The following ANO2 variants were observed in gnomAD, a reference collection of about 807,000 sequenced individuals.
The protein encoded by ANO2 is anoctamin 2.
ANO2 carries 101 observed loss-of-function variants against 124.2 expected under a neutral mutation model. The ratio of observed to expected loss-of-function variants is 0.81; its 90% CI spans 0.69 to 0.96. The LOEUF (loss-of-function observed/expected upper bound fraction) is 0.96, where lower values mean the gene tolerates loss of function less well. Among genes scored for constraint, ANO2 ranks in the 40% least tolerant of loss-of-function variants. The pLI is 0.00. For missense variants in ANO2, 1,293 were observed against 1,274.5 expected (o/e 1.01, Z -0.22); for synonymous variants, 486 against 482.5 (o/e 1.01, Z -0.09).
intron 23 of ANO2, among the ~76,000 whole-genome samples, chr12:5,572,697 C>T (rs1038438790): frequency 3.3e-5 from 5 of 152,246 alleles, no homozygotes; most frequent in East Asian, 1.9e-4. Flanking sequence ...CTCACTGGTA[C>T]TGAGAGAGGA....
At chr12:5,729,429 T>G (rs938533319) in intron 14 of ANO2, among the ~76,000 whole-genome samples, 6 of 152,166 alleles carry the variant, frequency 3.9e-5, no homozygotes, top group Non-Finnish European at 7.4e-5. Flanking sequence ...TCATTAATCA[T>G]TAGGGAAATG....
chr12:5,944,809 GTTGTTTACTTA>G (rs1565802107), intron 1 of ANO2, among the ~76,000 whole-genome samples: 1 of 152,010 alleles, frequency 6.6e-6, no homozygotes, highest in Non-Finnish European at 1.5e-5. Context: ...AGTCCGGCTG[GTTGTTTACTTA>G]TTGTTTACTT....
rs1942043194 is a variant in ANO2 at position 5,925,527 on chromosome 12, G to A, written c.23-2723C>T. ...ACACAAGGGAGCCACCTTCAGACGT[G>A]AGAGGAAGGCCAAGGGGAACGCGAG... is the stretch of plus-strand genomic sequence containing the variant. On this transcript the variant is annotated intron_variant, in intron 1 of 24. Coordinates refer to ENST00000682330, the MANE Select transcript of ANO2 (RefSeq NM_001364791.2). This position sits in a 1 kb window ranked among gnomAD's most constrained non-coding sequence, Gnocchi z 4.6. 6.6e-6 allele frequency among the ~76,000 whole-genome samples: 1 copy of A among 152,220 alleles called. No individual in the cohort carries two copies. Among genetic ancestry groups the A allele is most frequent in the Non-Finnish European group, 1.5e-5 (1 of 68,038 alleles).
intron 3 of ANO2, among the ~76,000 whole-genome samples, chr12:5,877,561 T>G (rs942465370): frequency 6.6e-6 from 1 of 152,176 alleles, no homozygotes; most frequent in Non-Finnish European, 1.5e-5. Flanking sequence ...AGCCAACCAT[T>G]ACCAATTATG....
chr12:5,733,531 A>T (rs987126325), intron 13 of ANO2, among the ~76,000 whole-genome samples: 4 of 152,228 alleles, frequency 2.6e-5, no homozygotes, highest in Non-Finnish European at 5.9e-5. Context: ...GGATTCAGGT[A>T]CTGGCTCACA....
At chr12:5,609,885 G>A (rs1591726362) in intron 19 of ANO2, among the ~76,000 whole-genome samples, 1 of 141,720 alleles carries the variant, frequency 7.1e-6, no homozygotes. Flanking sequence ...ATATATATAT[G>A]TTTTATACAT....
chr12:5,837,901 T>C (rs1486079655), intron 4 of ANO2, among the ~76,000 whole-genome samples: 3 of 151,482 alleles, frequency 2.0e-5, no homozygotes, highest in Non-Finnish European at 2.9e-5. Context: ...AAAAAACCCT[T>C]CAAAAAATTA....
At chr12:5,869,753 T>C (rs979338049) in intron 3 of ANO2, among the ~76,000 whole-genome samples, 5 of 152,182 alleles carry the variant, frequency 3.3e-5, no homozygotes, top group Non-Finnish European at 7.4e-5. Context: ...TGTCCTCACA[T>C]AGCCATGGTG....
intron 15 of ANO2, among the ~76,000 whole-genome samples, chr12:5,647,277 C>T (rs1946687630): frequency 6.6e-6 from 1 of 152,206 alleles, no homozygotes; most frequent in Non-Finnish European, 1.5e-5. Flanking sequence ...CTGGGTCTTG[C>T]AGAAGGGCTG....
rs1942369902 is a variant in ANO2 at position 5,575,869 on chromosome 12, T to C, written c.2586A>G (p.Glu862=). The C allele has an allele frequency of 6.2e-7, 1 of 1,613,958 alleles. No individual in the cohort carries two copies. Among genetic ancestry groups the C allele is most frequent in the East Asian group, 2.2e-5 (1 of 44,862 alleles). The change falls in exon 23 of 25, where the codon GAA becomes GAG. Residue 862 remains glutamate (E), a synonymous_variant. Transcript: ENST00000682330. ...GAACCTCCTGGTCAAACTGTGAGTT[T>C]TCTGGCTGCGTCCCCTCCTTCAGCT... ...VSQLKEGTQP[E]NSQFDQEVQF... is the part of the protein sequence containing the mutation.
chr12:5,847,601 A>G (rs1954723735), intron 4 of ANO2, among the ~76,000 whole-genome samples: 1 of 152,184 alleles, frequency 6.6e-6, no homozygotes, highest in Non-Finnish European at 1.5e-5. Context: ...ACCATGAACC[A>G]GGAAGAAGTC....
At position 5,922,707 on chromosome 12, in the gene ANO2, C is replaced by T. The variant is rs758509410; in HGVS notation, c.120G>A (p.Met40Ile). ...GPKHGQQCLK[M>I]PGPRAPGLQG... The stretch of plus-strand genomic sequence containing the variant: ...GCAGACCTGGGGCCCGGGGACCTGG[C>T]ATCTTGAGACACTGCTGTCCATGTT... Residue 40 changes from methionine (M) to isoleucine (I), a missense_variant, in exon 2 of 25, where the codon ATG (methionine) becomes ATA (isoleucine). Physicochemically the swap from Met to Ile is conservative, Grantham distance 10. Transcript: ENST00000682330. 1 of 1,596,298 alleles carries T rather than the reference C, an allele frequency of 6.3e-7. No homozygotes were observed. Among genetic ancestry groups the T allele is most frequent in the Non-Finnish European group, 8.5e-7 (1 of 1,172,886 alleles).
intron 14 of ANO2, among the ~76,000 whole-genome samples, chr12:5,723,254 T>A (rs1950307142): frequency 6.6e-6 from 1 of 152,308 alleles, no homozygotes; most frequent in East Asian, 1.9e-4. Context: ...CGGTGTGATG[T>A]GGTGGCCGTG....
intron 10 of ANO2, among the ~76,000 whole-genome samples, chr12:5,781,128 A>G (rs1490244405): frequency 1.3e-5 from 2 of 152,236 alleles, no homozygotes. Flanking sequence ...TGCTATGAGC[A>G]TTGCTGCCCT....
At chr12:5,693,315 T>C (rs1211614594) in intron 14 of ANO2, among the ~76,000 whole-genome samples, 1 of 152,216 alleles carries the variant, frequency 6.6e-6, no homozygotes, top group African/African-American at 2.4e-5. Flanking sequence ...TATCAAAATC[T>C]TGGCGTCATC....
In ANO2 at chr12:5,610,167, T is replaced by TTACTTATATAAATACTTATATAAATATA. The variant is rs1243668451; in HGVS notation, c.2087+2461_2087+2488dup. 5.3e-4 allele frequency among the ~76,000 whole-genome samples: 66 copies of TTACTTATATAAATACTTATATAAATATA among 124,002 alleles called. 1 individual carries two copies. The highest frequency in any genetic ancestry group is 3.4e-3 in the South Asian group (14 of 4,134). 81.4% of individuals were successfully genotyped at this position (124,002 alleles called of 152,430 possible). On this transcript the variant is annotated intron_variant, in intron 19 of 24. Coordinates refer to ENST00000682330, the MANE Select transcript of ANO2 (RefSeq NM_001364791.2). ...ATATATTTATATATACAAATTTATA[T>TTACTTATATAAATACTTATATAAATATA]TACTTATATAAATACTTATATAAAT...
intron 10 of ANO2, among the ~76,000 whole-genome samples, chr12:5,789,495 T>G (rs1049976683): frequency 2.6e-5 from 4 of 152,210 alleles, no homozygotes; most frequent in African/African-American, 9.6e-5. Flanking sequence ...TCTGAGGGTT[T>G]CCCGAGTCCC....
chr12:5,589,963 C>T (rs1238795859), intron 20 of ANO2, among the ~76,000 whole-genome samples: 3 of 152,088 alleles, frequency 2.0e-5, no homozygotes, highest in African/African-American at 7.2e-5. Context: ...ATATGACCAA[C>T]ACTACACCTC....
chr12:5,832,420 C>A, intron 5 of ANO2, 32 bp downstream of exon 5: 1 of 1,612,762 alleles, frequency 6.2e-7, no homozygotes, highest in Non-Finnish European at 8.5e-7. Context: ...TATCCCTTCC[C>A]ACATCTCTGC....
Sources: gnomAD v4.1 joint callset for allele counts (sites outside exome capture counted in the v4.1 genomes callset) on GRCh38, gnomAD v4.1.1 for gene constraint, Gnocchi (gnomAD v3.1) non-coding constraint, MANE v1.5 for transcripts, NCBI Gene and HGNC (gene_info 2026-07-23, HGNC 2026-07-21) for gene names.